The following VAMP4 variants were observed in gnomAD, a reference collection of about 807,000 sequenced individuals.
VAMP4 encodes the protein vesicle associated membrane protein 4, also known as vesicle-associated membrane protein 4.
Under a neutral mutation model 23.5 loss-of-function variants are expected in VAMP4, and 19 were observed. The observed-to-expected ratio is 0.81, with a 90% CI of 0.56 to 1.19. VAMP4 has a LOEUF of 1.19. Ranked by LOEUF, VAMP4 falls within the 50% of genes most tolerant of loss-of-function variation. VAMP4 has a pLI of 0.00. For missense variants in VAMP4, 145 were observed against 168.6 expected (o/e 0.86, Z 0.78); for synonymous variants, 31 against 51.0 (o/e 0.61, Z 1.67).
chr1:171,728,045 G>A (rs764767830), intron 3 of VAMP4, among the ~76,000 whole-genome samples: 10 of 152,134 alleles, frequency 6.6e-5, no homozygotes, highest in Admixed American at 6.6e-5. Flanking sequence ...CCATGGTTTT[G>A]CTTTCCACAG....
At chr1:171,718,903 TTTTCTGTAAAGG>T (rs1192559010) in intron 4 of VAMP4, among the ~76,000 whole-genome samples, 1 of 152,164 alleles carries the variant, frequency 6.6e-6, no homozygotes, top group African/African-American at 2.4e-5. Flanking sequence ...GTCAACAACT[TTTTCTGTAAAGG>T]ACCAGACACT....
rs537836945 is a variant in VAMP4, at chr1:171,726,013, G to A, written c.113+2511C>T. 8.1e-4 allele frequency among the ~76,000 whole-genome samples: 122 copies of A among 151,442 alleles called. 1 individual carries two copies. The highest frequency in any genetic ancestry group is 3.5e-3 in the Middle Eastern group (1 of 288). ...AGGTTTCCGTTAATTTTTATAAAAT[G>A]TTTTCACTTGGAAAAAAACCCAGCC... On this transcript the variant is annotated intron_variant, in intron 3 of 7. Coordinates refer to ENST00000236192, the MANE Select transcript of VAMP4 (RefSeq NM_003762.5).
chr1:171,736,699 G>A (rs775547279), intron 2 of VAMP4, among the ~76,000 whole-genome samples: 4 of 151,258 alleles, frequency 2.6e-5, no homozygotes, highest in East Asian at 1.9e-4. Context: ...AAAACAGGCC[G>A]AGTGCAGTGT....
At position 171,703,706 on chromosome 1, in the gene VAMP4, A is replaced by G. The variant is rs1005921830; in HGVS notation, c.*800T>C. ...TTACCTGTAAATTTCATTTACTCAC[A>G]TTAGGACTGACTGGTCTCTCTTTAT... On this transcript the variant is annotated 3_prime_UTR_variant, in exon 8 of 8. Coordinates refer to ENST00000236192, the MANE Select transcript of VAMP4 (RefSeq NM_003762.5). 4 of 152,234 alleles carry G rather than the reference A, an allele frequency of 2.6e-5. No homozygotes were observed. The highest frequency in any genetic ancestry group is 5.9e-5 in the Non-Finnish European group (4 of 67,812). 9.4% of individuals were successfully genotyped at this position (152,234 alleles called of 1,614,324 possible). A position where few individuals can be genotyped will look rare whatever the true frequency, so the allele number is the denominator to read the frequency against.
At chr1:171,721,486 T>C (rs2421910) in intron 3 of VAMP4, among the ~76,000 whole-genome samples, 8,739 of 152,248 alleles carry the variant, frequency 0.057, 348 homozygotes, top group East Asian at 0.24. Flanking sequence ...CAAAATGATA[T>C]TTATACTAGC....
At position 171,719,211 on chromosome 1, in the gene VAMP4, A is replaced by G. The variant is rs141906655; in HGVS notation, c.124T>C (p.Ser42Pro). 491 of 1,611,838 alleles carry G rather than the reference A, an allele frequency of 3.0e-4. 2 individuals carry two copies. The East Asian group carries it at 9.4e-3, about 31-fold the overall frequency. ...TTTCTAGGTCCAAATCTTGGTCCAG[A>G]TGGTCCCCTTCTGAAAACAAGTACA... ...EEEDFFLRGP[S>P]GPRFGPRNDK... Residue 42 changes from serine to proline, a missense_variant, in exon 4 of 8, where the codon TCT becomes CCT. Transcript: ENST00000236192.
Position 171,709,690 on chromosome 1 carries a change from C to A in VAMP4, c.320G>T (p.Arg107Met). The change falls in exon 6 of 8, where the codon AGG becomes ATG. Residue 107 changes from arginine (R) to methionine (M), a missense_variant. Transcript: ENST00000236192. ...AFSNRSKQLRRQMWWRGCKIK... is the reference protein window; with the variant it reads ...AFSNRSKQLRMQMWWRGCKIK... ...TTTGCATCCACGCCACCACATTTGC[C>A]TTCGAAGTTGTTTGGATCTGTTGCT... 4 of 1,613,296 alleles carry A rather than the reference C, an allele frequency of 2.5e-6. No individual in the cohort carries two copies. Among genetic ancestry groups the A allele is most frequent in the Non-Finnish European group, 3.4e-6 (4 of 1,179,492 alleles).
At chr1:171,732,108 A>AATTTT (rs1409238719) in intron 2 of VAMP4, among the ~76,000 whole-genome samples, 1 of 152,198 alleles carries the variant, frequency 6.6e-6, no homozygotes, top group Non-Finnish European at 1.5e-5. Context: ...CTAGACAGCA[A>AATTTT]ATTTTATTTT....
At chr1:171,714,857 G>T (rs982147775) in intron 4 of VAMP4, among the ~76,000 whole-genome samples, 1 of 152,176 alleles carries the variant, frequency 6.6e-6, no homozygotes, top group Non-Finnish European at 1.5e-5. Flanking sequence ...TTATACTCCA[G>T]TAGGGAAAAC....
chr1:171,715,256 A>G (rs931477433), intron 4 of VAMP4, among the ~76,000 whole-genome samples: 23 of 152,242 alleles, frequency 1.5e-4, no homozygotes, highest in African/African-American at 5.3e-4. Context: ...GGAGATTTTT[A>G]TATCATGGCC....
In VAMP4 at chr1:171,739,269, A is replaced by G. The variant is rs182837990; in HGVS notation, c.-49-806T>C. Among the ~76,000 whole-genome samples, 3 of 152,310 alleles carry G rather than the reference A, an allele frequency of 2.0e-5. No individual in the cohort carries two copies. In the East Asian group the frequency reaches 5.8e-4, roughly 29 times the overall value. On this transcript the variant is annotated intron_variant, in intron 1 of 7. Transcript: ENST00000236192. ...TTTCTAATAGCCAATGATGTAATCA[A>G]TCATGCCTACTAAGGAAGACTCCAT...
Position 171,700,759 on chromosome 1 carries a change from T to C in VAMP4, c.*3747A>G, listed in dbSNP as rs1654404183. 1 of 152,256 alleles carries C rather than the reference T, an allele frequency of 6.6e-6. No homozygotes were observed. Among genetic ancestry groups the C allele is most frequent in the Non-Finnish European group, 1.5e-5 (1 of 68,070 alleles). 9.4% of individuals were successfully genotyped at this position (152,256 alleles called of 1,614,324 possible). A position where few individuals can be genotyped will look rare whatever the true frequency, so the allele number is the denominator to read the frequency against. On this transcript the variant is annotated 3_prime_UTR_variant, in exon 8 of 8. Transcript: ENST00000236192. ...GGCACATTCATTCAACACACATTTA[T>C]CTAGCATCTGCCAAGGTTCACAGCA...
chr1:171,709,504 C>CT (rs2124839929), intron 6 of VAMP4, among the ~76,000 whole-genome samples, 161 bp downstream of exon 6: 1 of 152,250 alleles, frequency 6.6e-6, no homozygotes, highest in Admixed American at 6.5e-5. Context: ...ATCCCAAAAG[C>CT]AATTAAGTTA....
rs1036259265 is a variant in VAMP4 at position 171,708,053 on chromosome 1, C to A, written c.345+1612G>T. Among the ~76,000 whole-genome samples, 4 of 151,936 alleles carry A rather than the reference C, an allele frequency of 2.6e-5. No homozygotes were observed. In the East Asian group the frequency reaches 7.7e-4, roughly 29 times the overall value. On this transcript the variant is annotated intron_variant, in intron 6 of 7. Coordinates refer to ENST00000236192, the MANE Select transcript of VAMP4 (RefSeq NM_003762.5). ...GGTGGCTCATGCCTGTAATCCAGCA[C>A]TTTGGGAGGCTGAGGTGGGCAGATT... is the stretch of plus-strand genomic sequence containing the variant.
chr1:171,720,028 GA>G (rs1030241525), intron 3 of VAMP4, among the ~76,000 whole-genome samples: 6 of 148,834 alleles, frequency 4.0e-5, no homozygotes, highest in African/African-American at 1.2e-4. Flanking sequence ...AAAAATTTTG[GA>G]AAAAAAAACT....
chr1:171,725,597 A>G (rs1342370503), intron 3 of VAMP4, among the ~76,000 whole-genome samples: 2 of 152,158 alleles, frequency 1.3e-5, no homozygotes, highest in South Asian at 2.1e-4. Context: ...TCCCCACATT[A>G]TCTGACATTC....
chr1:171,709,506 A>G (rs1236365450), intron 6 of VAMP4, among the ~76,000 whole-genome samples, 159 bp downstream of exon 6: 1 of 152,204 alleles, frequency 6.6e-6, no homozygotes, highest in African/African-American at 2.4e-5. Flanking sequence ...CCCAAAAGCA[A>G]TTAAGTTAAC....
chr1:171,704,551 G>T lies in VAMP4; in HGVS notation c.398-17C>A. ...CTATAAGAACTGTAAGAGAAAACAT[G>T]AAAAAAGCAATATATCAACATCAGA... is the stretch of plus-strand genomic sequence containing the variant. On this transcript the variant is annotated splice_polypyrimidine_tract_variant and intron_variant, in intron 7 of 7. Transcript: ENST00000236192. The T allele has an allele frequency of 1.3e-6, 2 of 1,564,006 alleles. No homozygotes were observed. Among genetic ancestry groups the T allele is most frequent in the East Asian group, 2.3e-5 (1 of 43,028 alleles).
intron 6 of VAMP4, among the ~76,000 whole-genome samples, chr1:171,707,539 C>T (rs2124837643): frequency 6.6e-6 from 1 of 152,250 alleles, no homozygotes; most frequent in South Asian, 2.1e-4. Context: ...TTATGGAAGT[C>T]AATCTAGAAA....
Sources: gnomAD v4.1 joint callset for allele counts (sites outside exome capture counted in the v4.1 genomes callset) on GRCh38, gnomAD v4.1.1 for gene constraint, MANE v1.5 for transcripts, NCBI Gene and HGNC (gene_info 2026-07-23, HGNC 2026-07-21) for gene names.